Variants in FOSB observed in about 807,000 individuals in gnomAD.
The protein encoded by FOSB is protein FosB.
Under a neutral mutation model 31.1 loss-of-function variants are expected in FOSB, and 8 were observed. That is an observed-to-expected ratio of 0.26 (90% CI 0.15 to 0.46). FOSB has a LOEUF of 0.46. Ranked by LOEUF, FOSB falls within the 20% of genes least tolerant of loss-of-function variation. The pLI, the probability that FOSB is intolerant of heterozygous loss-of-function variation, is 0.99. For synonymous variants in FOSB, 214 were observed against 206.1 expected, an observed-to-expected ratio of 1.04 and a Z score of -0.33; for missense variants, 376 against 460.6, an observed-to-expected ratio of 0.82 and a Z score of 1.68.
chr19:45,469,495 C>G (rs1369949489), intron 1 of FOSB, among the ~76,000 whole-genome samples: 1 of 152,216 alleles, frequency 6.6e-6, no homozygotes, highest in Non-Finnish European at 1.5e-5. Context: ...GGTTCCTTGG[C>G]GGCTGGGTCT....
chr19:45,472,819 A>G lies in FOSB; in HGVS notation c.824A>G (p.Asn275Ser). ...PFQTSQDAPP[N>S]LTASLFTHSE... ...CAGACCAGCCAAGACGCACCCCCCA[A>G]CCTGACGGCTTCTCTCTTTACACAC... Residue 275 changes from asparagine to serine, a missense_variant, in exon 4 of 4, where the codon AAC (asparagine) becomes AGC (serine). Asn to Ser is a conservative substitution (Grantham distance 46, BLOSUM62 1). Coordinates refer to ENST00000353609, the MANE Select transcript of FOSB (RefSeq NM_006732.3). The surrounding 1 kb of genome is among the most constrained non-coding windows in gnomAD (Gnocchi z 5.4). 1 of 1,613,826 alleles carries G rather than the reference A, an allele frequency of 6.2e-7. No homozygotes were observed. Among genetic ancestry groups the G allele is most frequent in the South Asian group, 1.1e-5 (1 of 91,050 alleles).
At position 45,470,864 on chromosome 19, in the gene FOSB, G is replaced by A; in HGVS notation, c.362G>A (p.Gly121Asp). Residue 121 changes from glycine to aspartate, a missense_variant, in exon 2 of 4, where the codon GGT (glycine) becomes GAT (aspartate). Physicochemically the swap from Gly to Asp is moderately conservative, Grantham distance 94. Around this residue, in one of 3 missense-constraint regions of FOSB, gnomAD observed 193 missense variants for 207.1 expected, o/e 0.93. Coordinates refer to ENST00000353609, the MANE Select transcript of FOSB (RefSeq NM_006732.3). Reference protein sequence around the residue: ...GYSSGGASGSGGPSTSGTTSG... With the variant: ...GYSSGGASGSDGPSTSGTTSG... ...AGCAGTGGCGGAGCGAGTGGCAGTG[G>A]TGGGCCTTCCACCAGCGGAACTACC... The A allele has an allele frequency of 6.2e-7, 1 of 1,614,070 alleles. No homozygotes were observed. The highest frequency in any genetic ancestry group is 8.5e-7 in the Non-Finnish European group (1 of 1,180,022).
At position 45,472,671 on chromosome 19, in the gene FOSB, T is replaced by C. The variant is rs1967720423; in HGVS notation, c.676T>C (p.Tyr226His). 2.5e-6 allele frequency: 4 copies of C among 1,604,908 alleles called. No individual in the cohort carries two copies. The highest frequency in any genetic ancestry group is 3.4e-6 in the Non-Finnish European group (4 of 1,175,952). Residue 226 changes from tyrosine (Y) to histidine (H), a missense_variant, in exon 4 of 4, where the codon TAC (tyrosine) becomes CAC (histidine). Tyr to His is a moderately conservative substitution (Grantham distance 83). Coordinates refer to ENST00000353609, the MANE Select transcript of FOSB (RefSeq NM_006732.3). This position sits in a 1 kb window ranked among gnomAD's most constrained non-coding sequence, Gnocchi z 5.4. ...VAHKPGCKIP[Y>H]EEGPGPGPLA... is the part of the protein sequence containing the mutation. The stretch of plus-strand genomic sequence containing the variant: ...CCACAAACCGGGCTGCAAGATCCCC[T>C]ACGAAGAGGGGCCCGGGCCGGGCCC...
In FOSB at chr19:45,472,085, G is replaced by T. The variant is rs11667781; in HGVS notation, c.556-466G>T. On this transcript the variant is annotated intron_variant, in intron 3 of 3. Coordinates refer to ENST00000353609, the MANE Select transcript of FOSB (RefSeq NM_006732.3). The surrounding 1 kb of genome is among the most constrained non-coding windows in gnomAD (Gnocchi z 5.4). The stretch of plus-strand genomic sequence containing the variant: ...TCTCTACCAAGAAAAAAAAAAATTA[G>T]TTGGGCATGGTGGTGCACACCACTG... 6.5e-6 allele frequency: 1 copy of T among 152,944 alleles called. No individual in the cohort carries two copies. Among genetic ancestry groups the T allele is most frequent in the Non-Finnish European group, 1.5e-5 (1 of 68,586 alleles). The allele number at this position is 152,944 out of a possible 1,614,324, so 9.5% of individuals were successfully genotyped here.
chr19:45,471,366 C>G (rs1967657731), intron 3 of FOSB, 65 bp downstream of exon 3: 3 of 1,132,896 alleles, frequency 2.6e-6, no homozygotes, highest in South Asian at 1.3e-5. Flanking sequence ...TTCTCTGCCC[C>G]CTCTCCACCT....
chr19:45,472,801 G>A lies in FOSB; in HGVS notation c.806G>A (p.Ser269Asn). The A allele has an allele frequency of 1.2e-6, 2 of 1,614,116 alleles. No homozygotes were observed. Among genetic ancestry groups the A allele is most frequent in the East Asian group, 2.2e-5 (1 of 44,878 alleles). ...CCACCGCCCCTGCCCTTCCAGACCA[G>A]CCAAGACGCACCCCCCAACCTGACG... ...PPPPPLPFQT[S>N]QDAPPNLTAS... Residue 269 changes from serine to asparagine, a missense_variant, in exon 4 of 4, where the codon AGC (serine) becomes AAC (asparagine). By Grantham distance (46) the Ser-to-Asn change is conservative. Transcript: ENST00000353609. This position sits in a 1 kb window ranked among gnomAD's most constrained non-coding sequence, Gnocchi z 5.4.
intron 3 of FOSB, 194 bp downstream of exon 3, chr19:45,471,495 G>GCCCCC (rs1316780338): frequency 2.3e-5 from 9 of 399,246 alleles, no homozygotes; most frequent in African/African-American, 4.5e-5. Context: ...TCAACTCCTG[G>GCCCCC]TCCCCCCCCC....
chr19:45,472,090 G>C lies in FOSB; in HGVS notation c.556-461G>C, dbSNP rs1967696888. 1 of 153,160 alleles carries C rather than the reference G, an allele frequency of 6.5e-6. No individual in the cohort carries two copies. Among genetic ancestry groups the C allele is most frequent in the Non-Finnish European group, 1.5e-5 (1 of 68,778 alleles). 9.5% of individuals were successfully genotyped at this position (153,160 alleles called of 1,614,324 possible). A position where few individuals can be genotyped will look rare whatever the true frequency, so the allele number is the denominator to read the frequency against. ...ACCAAGAAAAAAAAAAATTAGTTGG[G>C]CATGGTGGTGCACACCACTGTGGTC... On this transcript the variant is annotated intron_variant, in intron 3 of 3. Transcript: ENST00000353609. The surrounding 1 kb of genome is among the most constrained non-coding windows in gnomAD (Gnocchi z 5.4).
Position 45,473,730 on chromosome 19 carries a change from C to A in FOSB, c.*718C>A, listed in dbSNP as rs529339302. The A allele has an allele frequency of 2.0e-5, 3 of 152,412 alleles. No homozygotes were observed. The highest frequency in any genetic ancestry group is 3.9e-4 in the East Asian group (2 of 5,126). 9.4% of individuals were successfully genotyped at this position (152,412 alleles called of 1,614,324 possible). A position where few individuals can be genotyped will look rare whatever the true frequency, so the allele number is the denominator to read the frequency against. ...TGGCTCTGATTGGAATTTCTGGCCT[C>A]CTAAGGCTCCCCACCCCGAAATCAG... On this transcript the variant is annotated 3_prime_UTR_variant, in exon 4 of 4. Transcript: ENST00000353609.
chr19:45,471,495 G>GGCC (rs1316780338), intron 3 of FOSB, 194 bp downstream of exon 3: 12 of 399,276 alleles, frequency 3.0e-5, no homozygotes, highest in South Asian at 6.9e-5. Context: ...TCAACTCCTG[G>GGCC]TCCCCCCCCC....
chr19:45,468,730 G>C lies in FOSB; in HGVS notation c.126+18G>C, dbSNP rs943376435. On this transcript the variant is annotated intron_variant, in intron 1 of 3. Transcript: ENST00000353609. This position sits in a 1 kb window ranked among gnomAD's most constrained non-coding sequence, Gnocchi z 4.8. Reference sequence around the variant, plus strand: ...CCTCCCAGGTAAGTTTTTGATAGTAGGGGTGCTGCTTTGTAGGTTTTATTT... The same window carrying C: ...CCTCCCAGGTAAGTTTTTGATAGTACGGGTGCTGCTTTGTAGGTTTTATTT... The C allele has an allele frequency of 1.9e-6, 3 of 1,591,044 alleles. No homozygotes were observed. In the Admixed American group the frequency reaches 5.7e-5, roughly 30 times the overall value.
Position 45,474,353 on chromosome 19 carries a change from C to G in FOSB, c.*1341C>G, listed in dbSNP as rs1453920611. The G allele has an allele frequency of 2.0e-5, 3 of 152,452 alleles. No individual in the cohort carries two copies. The East Asian group carries it at 5.8e-4, about 29-fold the overall frequency. The allele number at this position is 152,452 out of a possible 1,614,324, so 9.4% of individuals were successfully genotyped here. On this transcript the variant is annotated 3_prime_UTR_variant, in exon 4 of 4. Transcript: ENST00000353609. ...CATGCCCGAGTCCGCCCATCCCTGA[C>G]CATGGTTTTGGCTCTCCCACCCCGC...
In FOSB at chr19:45,468,775, G is replaced by A; in HGVS notation, c.126+63G>A. 1.3e-6 allele frequency: 2 copies of A among 1,507,792 alleles called. No individual in the cohort carries two copies. The highest frequency in any genetic ancestry group is 1.3e-5 in the South Asian group (1 of 77,450). The allele number at this position is 1,507,792 out of a possible 1,614,324, so 93.4% of individuals were successfully genotyped here. A position where few individuals can be genotyped will look rare whatever the true frequency, so the allele number is the denominator to read the frequency against. On this transcript the variant is annotated intron_variant, in intron 1 of 3. Coordinates refer to ENST00000353609, the MANE Select transcript of FOSB (RefSeq NM_006732.3). This position sits in a 1 kb window ranked among gnomAD's most constrained non-coding sequence, Gnocchi z 4.8. ...TTATTTTTTAAGTCAAGGGTGAAAA[G>A]AATAAACCCCAACCCCCACAAAAAG...
Position 45,472,439 on chromosome 19 carries a change from G to T in FOSB, c.556-112G>T. On this transcript the variant is annotated intron_variant, in intron 3 of 3. Transcript: ENST00000353609. This position sits in a 1 kb window ranked among gnomAD's most constrained non-coding sequence, Gnocchi z 5.4. ...CAGGAGGTGTTTTTTCTCAGCCCGG[G>T]GCTGCCTTCCAGCAGCAAGTCCAAG... 2.4e-6 allele frequency: 2 copies of T among 821,020 alleles called. No individual in the cohort carries two copies. The highest frequency in any genetic ancestry group is 3.7e-6 in the Non-Finnish European group (2 of 544,552). 50.9% of individuals were successfully genotyped at this position (821,020 alleles called of 1,614,324 possible).
At position 45,472,422 on chromosome 19, in the gene FOSB, G is replaced by GT. The variant is rs893813999; in HGVS notation, c.556-123dup. On this transcript the variant is annotated intron_variant, in intron 3 of 3. Coordinates refer to ENST00000353609, the MANE Select transcript of FOSB (RefSeq NM_006732.3). The surrounding 1 kb of genome is among the most constrained non-coding windows in gnomAD (Gnocchi z 5.4). Reference sequence around the variant, plus strand: ...CCACCAGGACTCCATCTCAGGAGGTGTTTTTTCTCAGCCCGGGGCTGCCTT... The same window carrying GT: ...CCACCAGGACTCCATCTCAGGAGGTGTTTTTTTCTCAGCCCGGGGCTGCCTT... 1.4e-5 allele frequency: 10 copies of GT among 697,230 alleles called. No individual in the cohort carries two copies. In the African/African-American group the frequency reaches 1.8e-4, roughly 13 times the overall value. The allele number at this position is 697,230 out of a possible 1,614,324, so 43.2% of individuals were successfully genotyped here. A position where few individuals can be genotyped will look rare whatever the true frequency, so the allele number is the denominator to read the frequency against.
chr19:45,470,694 C>T lies in FOSB; in HGVS notation c.192C>T (p.Ser64=), dbSNP rs1325499653. 2.5e-6 allele frequency: 4 copies of T among 1,613,500 alleles called. No homozygotes were observed. Among genetic ancestry groups the T allele is most frequent in the Non-Finnish European group, 3.4e-6 (4 of 1,180,002 alleles). The change falls in exon 2 of 4, where the codon AGC becomes AGT. Residue 64 remains serine (S), a synonymous_variant. Coordinates refer to ENST00000353609, the MANE Select transcript of FOSB (RefSeq NM_006732.3). ...FVPTVTAITT[S]QDLQWLVQPT... Reference sequence around the variant, plus strand: ...CCACGGTCACCGCGATCACAACCAGCCAGGACCTCCAGTGGCTTGTGCAAC... The same window carrying T: ...CCACGGTCACCGCGATCACAACCAGTCAGGACCTCCAGTGGCTTGTGCAAC...
At chr19:45,471,050 C>A in intron 2 of FOSB, 101 bp downstream of exon 2, 2 of 1,377,126 alleles carry the variant, frequency 1.5e-6, no homozygotes, top group Non-Finnish European at 2.0e-6. Flanking sequence ...CTCAGTGTTA[C>A]AGAAACCCCA....
Position 45,468,495 on chromosome 19 carries a change from C to A in FOSB, c.-92C>A. Reference sequence around the variant, plus strand: ...TCACCGGGGACTCCCACGGCTCACCCCGGACTTGCACCTTACTTCCCCAAC... The same window carrying A: ...TCACCGGGGACTCCCACGGCTCACCACGGACTTGCACCTTACTTCCCCAAC... On this transcript the variant is annotated 5_prime_UTR_variant, in exon 1 of 4. Transcript: ENST00000353609. The surrounding 1 kb of genome is among the most constrained non-coding windows in gnomAD (Gnocchi z 4.8). 7.0e-7 allele frequency: 1 copy of A among 1,422,944 alleles called. No individual in the cohort carries two copies. The allele number at this position is 1,422,944 out of a possible 1,614,324, so 88.1% of individuals were successfully genotyped here.
intron 1 of FOSB, chr19:45,469,926 G>C (rs894482280): frequency 2.0e-5 from 3 of 152,132 alleles, no homozygotes; most frequent in Non-Finnish European, 4.4e-5. Flanking sequence ...TTACGGGAGG[G>C]GGGAGATGAG....
Sources: gnomAD v4.1 joint callset for allele counts (sites outside exome capture counted in the v4.1 genomes callset) on GRCh38, gnomAD v4.1.1 for gene constraint, gnomAD v4.1.1 regional missense constraint, Gnocchi (gnomAD v3.1) non-coding constraint, MANE v1.5 for transcripts, NCBI Gene and HGNC (gene_info 2026-07-23, HGNC 2026-07-21) for gene names.